The following ALK variants were observed in gnomAD, a reference collection of about 807,000 sequenced individuals.
The protein encoded by ALK is ALK receptor tyrosine kinase, also known as ALK tyrosine kinase receptor.
In ALK, 74 loss-of-function variants were observed where a neutral mutation model predicts 163.1. The ratio of observed to expected loss-of-function variants is 0.45; its 90% CI spans 0.38 to 0.55. The LOEUF (loss-of-function observed/expected upper bound fraction) is 0.55. Among genes scored for constraint, ALK ranks in the 20% least tolerant of loss-of-function variants. The pLI, the probability that ALK is intolerant of heterozygous loss-of-function variation, is 0.00. For missense variants in ALK, 2,063 were observed against 2,105.3 expected (o/e 0.98, Z 0.39); for synonymous variants, 960 against 843.2 (o/e 1.14, Z -2.40).
intron 9 of ALK, among the ~76,000 whole-genome samples, chr2:29,293,628 C>A (rs753197884): frequency 6.6e-6 from 1 of 151,946 alleles, no homozygotes; most frequent in Non-Finnish European, 1.5e-5. Flanking sequence ...AACATGGCAA[C>A]TGCAAAAGCC....
chr2:29,271,753 A>G (rs61238373), intron 11 of ALK, among the ~76,000 whole-genome samples: 7,970 of 152,238 alleles, frequency 0.052, 247 homozygotes, highest in Middle Eastern at 0.078. Flanking sequence ...TTCCCATGAC[A>G]CTATATAGTT....
intron 3 of ALK, among the ~76,000 whole-genome samples, chr2:29,597,723 C>T (rs1320215048): frequency 1.3e-5 from 2 of 152,330 alleles, no homozygotes; most frequent in Non-Finnish European, 2.9e-5. Context: ...AGCTGCTTAG[C>T]TGGAGTCATG....
intron 1 of ALK, among the ~76,000 whole-genome samples, chr2:29,913,297 T>A (rs73922369): frequency 5.5e-4 from 84 of 152,230 alleles, no homozygotes; most frequent in African/African-American, 2.0e-3. Flanking sequence ...GAAAAATTCA[T>A]CACAAAATTT....
At chr2:29,892,013 T>C (rs555776853) in intron 1 of ALK, among the ~76,000 whole-genome samples, 1 of 152,328 alleles carries the variant, frequency 6.6e-6, no homozygotes, top group Admixed American at 6.5e-5. Flanking sequence ...ACAACCATGG[T>C]CCTAACCATG....
At chr2:29,807,189 A>G (rs1558497082) in intron 1 of ALK, among the ~76,000 whole-genome samples, 1 of 152,208 alleles carries the variant, frequency 6.6e-6, no homozygotes, top group Non-Finnish European at 1.5e-5. Context: ...TCTCTCCCTG[A>G]CAACCTAGAA....
rs1321334043 is a variant in ALK, at chr2:29,920,353, C to A, written c.307G>T (p.Gly103Trp). Residue 103 changes from glycine (G) to tryptophan (W), a missense_variant, in exon 1 of 29, where the codon GGG (glycine) becomes TGG (tryptophan). Coordinates refer to ENST00000389048, the MANE Select transcript of ALK (RefSeq NM_004304.5). ...GTCCAGGAGACCCCCGGCGCCGGCCCCAGCAACCTGAGCAGCGGGGCGCAG... is the reference window on the plus strand; with the variant it reads ...GTCCAGGAGACCCCCGGCGCCGGCCACAGCAACCTGAGCAGCGGGGCGCAG... ...LDCAPLLRLL[G>W]PAPGVSWTAG... The A allele has an allele frequency of 6.4e-7, 1 of 1,553,322 alleles. No individual in the cohort carries two copies. The highest frequency in any genetic ancestry group is 8.7e-7 in the Non-Finnish European group (1 of 1,149,468).
intron 8 of ALK, among the ~76,000 whole-genome samples, chr2:29,303,908 C>T (rs2879480): frequency 0.013 from 1,924 of 152,148 alleles, 40 homozygotes; most frequent in African/African-American, 0.043. Flanking sequence ...GGGAAAAGGA[C>T]GAAAAACTAC....
intron 12 of ALK, among the ~76,000 whole-genome samples, chr2:29,245,380 C>A (rs573761572): frequency 1.2e-4 from 16 of 136,524 alleles, no homozygotes; most frequent in African/African-American, 4.5e-4. Context: ...CAGTGCCCTG[C>A]ACACAGTAGG....
At chr2:29,248,204 G>A (rs1175046026) in intron 12 of ALK, among the ~76,000 whole-genome samples, 1 of 152,126 alleles carries the variant, frequency 6.6e-6, no homozygotes, top group East Asian at 1.9e-4. Context: ...GGCCGGGTGT[G>A]GTGGCTCACA....
At chr2:29,213,272 T>C (rs190807936) in intron 24 of ALK, among the ~76,000 whole-genome samples, 1 of 152,250 alleles carries the variant, frequency 6.6e-6, no homozygotes, top group Non-Finnish European at 1.5e-5. Context: ...CACAGCATGA[T>C]GTCCCAGTCT....
At chr2:29,301,144 T>C (rs1666356683) in intron 8 of ALK, among the ~76,000 whole-genome samples, 1 of 152,258 alleles carries the variant, frequency 6.6e-6, no homozygotes, top group Admixed American at 6.5e-5. Context: ...ACCAGTCTAC[T>C]TGCCAGATTT....
chr2:29,306,893 A>G (rs889520814), intron 8 of ALK, among the ~76,000 whole-genome samples: 3 of 152,228 alleles, frequency 2.0e-5, no homozygotes, highest in African/African-American at 7.2e-5. Flanking sequence ...GTACGCCACC[A>G]GCAATTATAT....
chr2:29,300,365 A>G (rs1666333700), intron 8 of ALK, among the ~76,000 whole-genome samples: 1 of 151,990 alleles, frequency 6.6e-6, no homozygotes, highest in South Asian at 2.1e-4. Flanking sequence ...CCTGGCAAAC[A>G]TGGTGAAACC....
At chr2:29,628,674 C>T (rs965755593) in intron 3 of ALK, among the ~76,000 whole-genome samples, 1 of 152,104 alleles carries the variant, frequency 6.6e-6, no homozygotes, top group African/African-American at 2.4e-5. Context: ...GTCTGGCTAC[C>T]TTAACAATTA....
chr2:29,610,332 G>C (rs1052875175), intron 3 of ALK, among the ~76,000 whole-genome samples: 3 of 151,984 alleles, frequency 2.0e-5, no homozygotes, highest in Admixed American at 6.6e-5. Context: ...GCTCTGACTT[G>C]GACTCCTTAA....
chr2:29,570,614 TTC>T (rs1346268240), intron 3 of ALK, among the ~76,000 whole-genome samples: 3 of 152,202 alleles, frequency 2.0e-5, no homozygotes, highest in African/African-American at 4.8e-5. Context: ...GGGAGAACAT[TTC>T]TCTCTCTTAG....
intron 4 of ALK, among the ~76,000 whole-genome samples, chr2:29,393,236 C>T (rs1414809450): frequency 6.6e-6 from 1 of 152,174 alleles, no homozygotes; most frequent in Admixed American, 6.5e-5. Flanking sequence ...ATTGAAGGAC[C>T]TTGGAAGGGC....
intron 1 of ALK, among the ~76,000 whole-genome samples, chr2:29,756,043 G>A (rs191526697): frequency 5.6e-4 from 86 of 152,332 alleles, no homozygotes; most frequent in African/African-American, 1.4e-3. Context: ...AGCACTGAGC[G>A]GGACTAATAG....
intron 3 of ALK, among the ~76,000 whole-genome samples, chr2:29,591,493 C>T (rs560674026): frequency 6.6e-6 from 1 of 152,196 alleles, no homozygotes; most frequent in South Asian, 2.1e-4. Flanking sequence ...CACCCCAGGG[C>T]CGTGAAACAT....
Sources: gnomAD v4.1 joint callset for allele counts (sites outside exome capture counted in the v4.1 genomes callset) on GRCh38, gnomAD v4.1.1 for gene constraint, MANE v1.5 for transcripts, NCBI Gene and HGNC (gene_info 2026-07-23, HGNC 2026-07-21) for gene names.